Variants in HERC2 observed in about 807,000 individuals in gnomAD.
HERC2 encodes HECT and RLD domain containing E3 ubiquitin protein ligase 2, also known as E3 ubiquitin-protein ligase HERC2.
A neutral mutation model predicts 537.7 loss-of-function variants in HERC2; 102 were observed. That is an observed-to-expected ratio of 0.19 (90% confidence interval 0.16 to 0.22). The LOEUF is 0.22. Among genes scored for constraint, HERC2 ranks in the 10% least tolerant of loss-of-function variants. The probability of loss-of-function intolerance (pLI) is 1.00; values close to 1 mark genes in which losing one functional copy is unlikely to be tolerated. For synonymous variants in HERC2, 2,224 were observed against 2,466.2 expected (o/e 0.90, Z 2.91); for missense variants, 4,236 against 6,198.2 (o/e 0.68, Z 10.63).
At chr15:28,144,369 C>T (rs1252357997) in intron 72 of HERC2, 134 bp from the exon 73 acceptor site, 2 of 865,656 alleles carry the variant, frequency 2.3e-6, no homozygotes, top group Non-Finnish European at 3.5e-6. Context: ...CCACGCATGC[C>T]ACTGCGAGTC....
In HERC2 at chr15:28,143,969, G is replaced by A; in HGVS notation, c.11322C>T (p.Ala3774=). 2 of 1,614,030 alleles carry A rather than the reference G, an allele frequency of 1.2e-6. No homozygotes were observed. The highest frequency in any genetic ancestry group is 1.7e-6 in the Non-Finnish European group (2 of 1,180,026). ...SALAASHRMW[A]LQRLRKLLTT... is the part of the protein sequence containing the mutation. ...TAAGCAGCTTCCTCAGTCTCTGAAG[G>A]GCCCACATTCTGTGACTGGCAGCTG... The change falls in exon 74 of 93, where the codon GCC becomes GCT. Residue 3774 remains alanine, a synonymous_variant. Coordinates refer to ENST00000261609, the MANE Select transcript of HERC2 (RefSeq NM_004667.6).
At chr15:28,112,935 C>T (rs1025900086) in intron 92 of HERC2, 136 bp downstream of exon 92, 12 of 687,692 alleles carry the variant, frequency 1.7e-5, no homozygotes, top group African/African-American at 7.2e-5. Flanking sequence ...CAGAGAAGTT[C>T]GATGTTTTCC....
chr15:28,178,855 C>T, intron 59 of HERC2, 32 bp downstream of exon 59: 1 of 1,599,984 alleles, frequency 6.3e-7, no homozygotes, highest in South Asian at 1.1e-5. Context: ...CAAAGGCCGC[C>T]CCGCACAGGC....
In HERC2 at chr15:28,272,203, C is replaced by G. The variant is rs1464689405; in HGVS notation, c.1083+12G>C. The stretch of plus-strand genomic sequence containing the variant: ...GTGCCACCTAAACACAAAGTTCCAT[C>G]ATGACACTCACGTGCATGTCGCCCT... On this transcript the variant is annotated intron_variant, in intron 9 of 92. Transcript: ENST00000261609. 3.2e-6 allele frequency: 5 copies of G among 1,576,956 alleles called. No homozygotes were observed. Among genetic ancestry groups the G allele is most frequent in the Non-Finnish European group, 4.3e-6 (5 of 1,162,332 alleles).
intron 2 of HERC2, among the ~76,000 whole-genome samples, chr15:28,309,176 T>TTGGTCTA (rs1420741312): frequency 2.6e-5 from 4 of 152,232 alleles, no homozygotes; most frequent in Admixed American, 2.0e-4. Flanking sequence ...CTAAATCCAT[T>TTGGTCTA]TGGTCTACAG....
rs552473618 is a variant in HERC2 at position 28,270,728 on chromosome 15, C to A, written c.1224G>T (p.Met408Ile). The change falls in exon 10 of 93, where the codon ATG (methionine) becomes ATT (isoleucine). Residue 408 changes from methionine (M) to isoleucine (I), a missense_variant. By Grantham distance (10) the Met-to-Ile change is conservative (BLOSUM62 1). Transcript: ENST00000261609. ...ATGTCGGAGAGCTACACAGCGGAGG[C>A]ATACAGGGCGTAGCCAGACGGTCTA... ...AHLDRLATPC[M>I]PPLCSSPTSH... The A allele has an allele frequency of 1.2e-6, 2 of 1,613,950 alleles. No individual in the cohort carries two copies. The highest frequency in any genetic ancestry group is 1.1e-5 in the South Asian group (1 of 91,078).
In HERC2 at chr15:28,265,932, C is replaced by T. The variant is rs2075555109; in HGVS notation, c.1641G>A (p.Lys547=). 6.2e-7 allele frequency: 1 copy of T among 1,614,190 alleles called. No individual in the cohort carries two copies. Among genetic ancestry groups the T allele is most frequent in the Non-Finnish European group, 8.5e-7 (1 of 1,180,040 alleles). ...EPKVISAFSG[K]QAGKHVVHIA... ...TGTGCACCACGTGCTTCCCGGCCTG[C>T]TTTCCAGAGAAGGCGGAGATCACCT... The change falls in exon 13 of 93, where the codon AAG becomes AAA. Residue 547 remains lysine (K), a synonymous_variant. Transcript: ENST00000261609. This position sits in a 1 kb window ranked among gnomAD's most constrained non-coding sequence, Gnocchi z 4.0.
intron 78 of HERC2, 148 bp from the exon 79 acceptor site, chr15:28,135,840 G>T: frequency 1.6e-6 from 1 of 618,996 alleles, no homozygotes; most frequent in Non-Finnish European, 2.8e-6. Context: ...ATAAGTTTAT[G>T]CCTTTATACA....
At position 28,124,133 on chromosome 15, in the gene HERC2, G is replaced by A; in HGVS notation, c.13092C>T (p.Ile4364=). The A allele has an allele frequency of 4.4e-6, 7 of 1,603,836 alleles. No individual in the cohort carries two copies. Among genetic ancestry groups the A allele is most frequent in the Non-Finnish European group, 6.0e-6 (7 of 1,175,086 alleles). The stretch of plus-strand genomic sequence containing the variant: ...GCGAGCCTTCCAGGTCGAACATGGG[G>A]ATGCAGGGGCAGAAGAGCTCGGAGA... ...HHLSELFCPC[I]PMFDLEGSLD... Residue 4364 remains isoleucine, a synonymous_variant, in exon 85 of 93, where the codon ATC becomes ATT. Coordinates refer to ENST00000261609, the MANE Select transcript of HERC2 (RefSeq NM_004667.6).
Position 28,198,777 on chromosome 15 carries a change from T to C in HERC2, c.7717-8A>G. The C allele has an allele frequency of 6.2e-7, 1 of 1,605,186 alleles. No individual in the cohort carries two copies. The highest frequency in any genetic ancestry group is 2.2e-5 in the East Asian group (1 of 44,826). ...TCTAACCATCATTCCCACCTAGAAT[T>C]AAAATGAAATTGGAGATCCAGTCCA... On this transcript the variant is annotated splice_region_variant and splice_polypyrimidine_tract_variant and intron_variant, in intron 48 of 92. Transcript: ENST00000261609.
intron 33 of HERC2, 39 bp from the exon 34 acceptor site, chr15:28,229,385 C>A (rs1901588569): frequency 6.2e-7 from 1 of 1,613,046 alleles, no homozygotes; most frequent in African/African-American, 1.3e-5. Flanking sequence ...TGGGACACTG[C>A]CAGACTTCTG....
chr15:28,298,631 TA>T, intron 3 of HERC2: 1 of 150,744 alleles, frequency 6.6e-6, no homozygotes, highest in African/African-American at 2.4e-5. Flanking sequence ...CTGTCTCTAC[TA>T]AAAAATACAA....
Position 28,153,092 on chromosome 15 carries a change from G to A in HERC2, c.10747-262C>T, listed in dbSNP as rs184718485. Among the ~76,000 whole-genome samples, 31 of 152,328 alleles carry A rather than the reference G, an allele frequency of 2.0e-4. 1 individual carries two copies. In the East Asian group the frequency reaches 3.9e-3, roughly 19 times the overall value. ...GTTGGGGCCAGGCACGGTGGCTCACGCCTGGAATCCCAGCACTTTGGAAGG... is the reference window on the plus strand; with the variant it reads ...GTTGGGGCCAGGCACGGTGGCTCACACCTGGAATCCCAGCACTTTGGAAGG... On this transcript the variant is annotated intron_variant, in intron 69 of 92. Coordinates refer to ENST00000261609, the MANE Select transcript of HERC2 (RefSeq NM_004667.6).
In HERC2 at chr15:28,178,765, A is replaced by G. The variant is rs1368065215; in HGVS notation, c.9163+122T>C. On this transcript the variant is annotated intron_variant, in intron 59 of 92. Transcript: ENST00000261609. ...ACCACCTAGAGATTTACATTATCCA[A>G]TTTTTATTCCTACTAAGTAAAAACT... 6 of 1,123,586 alleles carry G rather than the reference A, an allele frequency of 5.3e-6. No individual in the cohort carries two copies. In the South Asian group the frequency reaches 5.3e-5, roughly 10 times the overall value. 69.6% of individuals were successfully genotyped at this position (1,123,586 alleles called of 1,614,324 possible).
intron 1 of HERC2, among the ~76,000 whole-genome samples, chr15:28,321,806 G>A (rs1204012814): frequency 7.0e-6 from 1 of 142,030 alleles, no homozygotes; most frequent in African/African-American, 3.0e-5. Context: ...TCGTTTTAAC[G>A]ACAAATGACA....
chr15:28,317,863 C>T (rs2077130730), intron 2 of HERC2, among the ~76,000 whole-genome samples: 1 of 152,324 alleles, frequency 6.6e-6, no homozygotes, highest in South Asian at 2.1e-4. Flanking sequence ...ACAGTGACCT[C>T]TCTAGTTTCT....
Position 28,168,631 on chromosome 15 carries a change from T to C in HERC2, c.10230-41A>G, listed in dbSNP as rs775460526. On this transcript the variant is annotated intron_variant, in intron 66 of 92. Coordinates refer to ENST00000261609, the MANE Select transcript of HERC2 (RefSeq NM_004667.6). Reference sequence around the variant, plus strand: ...GCCAGGCCTGTGGTGAGCTGCCCCTTCTCCACTGCAGCACAGGAAGTGGAG... The same window carrying C: ...GCCAGGCCTGTGGTGAGCTGCCCCTCCTCCACTGCAGCACAGGAAGTGGAG... 1.9e-6 allele frequency: 3 copies of C among 1,577,970 alleles called. No homozygotes were observed. In the South Asian group the frequency reaches 3.5e-5, roughly 18 times the overall value.
intron 20 of HERC2, among the ~76,000 whole-genome samples, chr15:28,250,179 C>A (rs1228872634): frequency 6.6e-6 from 1 of 152,022 alleles, no homozygotes; most frequent in Non-Finnish European, 1.5e-5. Context: ...ATCCCACTTG[C>A]CCCCGTGGCT....
At chr15:28,209,357 T>A (rs1249745215) in intron 44 of HERC2, among the ~76,000 whole-genome samples, 4 of 152,134 alleles carry the variant, frequency 2.6e-5, no homozygotes, top group African/African-American at 4.8e-5. Context: ...TTATTTATTT[T>A]TTTTGAGACA....
Sources: gnomAD v4.1 joint callset for allele counts (sites outside exome capture counted in the v4.1 genomes callset) on GRCh38, gnomAD v4.1.1 for gene constraint, Gnocchi (gnomAD v3.1) non-coding constraint, MANE v1.5 for transcripts, NCBI Gene and HGNC (gene_info 2026-07-23, HGNC 2026-07-21) for gene names.